Variants in TRIM44 observed in about 807,000 individuals in gnomAD.
The protein encoded by TRIM44 is tripartite motif-containing protein 44.
TRIM44 carries 13 observed loss-of-function variants against 37.4 expected under a neutral mutation model. The observed-to-expected ratio is 0.35, with a 90% CI of 0.23 to 0.55. The LOEUF (loss-of-function observed/expected upper bound fraction) is 0.55, where lower values mean the gene tolerates loss of function less well. Ranked by LOEUF, TRIM44 falls within the 20% of genes least tolerant of loss-of-function variation. The pLI, the probability that TRIM44 is intolerant of heterozygous loss-of-function variation, is 0.89. For synonymous variants in TRIM44, 175 were observed against 157.2 expected (o/e 1.11, Z -0.85); for missense variants, 426 against 437.2 (o/e 0.97, Z 0.23).
At chr11:35,682,147 G>A (rs985223085) in intron 1 of TRIM44, among the ~76,000 whole-genome samples, 3 of 151,550 alleles carry the variant, frequency 2.0e-5, no homozygotes, top group Non-Finnish European at 4.4e-5. Context: ...GTCCCGTTCC[G>A]TACCACTCTT....
intron 1 of TRIM44, 49 bp downstream of exon 1, chr11:35,663,829 G>A: frequency 6.5e-7 from 1 of 1,546,266 alleles, no homozygotes; most frequent in South Asian, 1.3e-5. Flanking sequence ...GGACACCTGG[G>A]TTTCAACTCA....
intron 4 of TRIM44, among the ~76,000 whole-genome samples, chr11:35,771,344 G>C (rs1182705821): frequency 6.6e-6 from 1 of 152,150 alleles, no homozygotes; most frequent in South Asian, 2.1e-4. Context: ...TTGGAACTTT[G>C]AACTTGAGAG....
At position 35,807,906 on chromosome 11, in the gene TRIM44, A is replaced by C. The variant is rs2133887167; in HGVS notation, c.*1521A>C. The stretch of plus-strand genomic sequence containing the variant: ...AGACTTCTAGTGCCTCTGAGGCAGA[A>C]CCAAAGGAGCCTGCACTGGGGGAAA... On this transcript the variant is annotated 3_prime_UTR_variant, in exon 5 of 5. Coordinates refer to ENST00000299413, the MANE Select transcript of TRIM44 (RefSeq NM_017583.6). 1 of 152,224 alleles carries C rather than the reference A, an allele frequency of 6.6e-6. No individual in the cohort carries two copies. The highest frequency in any genetic ancestry group is 2.1e-4 in the South Asian group (1 of 4,806). The allele number at this position is 152,224 out of a possible 1,614,324, so 9.4% of individuals were successfully genotyped here.
chr11:35,705,518 C>T (rs1244363588), intron 2 of TRIM44, among the ~76,000 whole-genome samples: 11 of 152,156 alleles, frequency 7.2e-5, no homozygotes, highest in Non-Finnish European at 1.3e-4. Flanking sequence ...GGAAGTAAAG[C>T]TCTCCTCAGC....
chr11:35,692,888 A>C (rs938394077), intron 2 of TRIM44, among the ~76,000 whole-genome samples: 1 of 151,608 alleles, frequency 6.6e-6, no homozygotes, highest in Non-Finnish European at 1.5e-5. Flanking sequence ...ATGCCACTGC[A>C]CTCCAGCCTG....
chr11:35,773,610 A>T (rs905732777), intron 4 of TRIM44, among the ~76,000 whole-genome samples: 1 of 151,834 alleles, frequency 6.6e-6, no homozygotes, highest in African/African-American at 2.4e-5. Flanking sequence ...TCCCAGTGCT[A>T]TCCCTCCCCT....
At chr11:35,676,220 C>T (rs1435157306) in intron 1 of TRIM44, among the ~76,000 whole-genome samples, 1 of 152,184 alleles carries the variant, frequency 6.6e-6, no homozygotes, top group Admixed American at 6.5e-5. Context: ...GAGTTTAGCA[C>T]AGTGCCTGGA....
Position 35,663,356 on chromosome 11 carries a change from A to C in TRIM44, c.245A>C (p.Glu82Ala). The C allele has an allele frequency of 6.2e-7, 1 of 1,613,680 alleles. No homozygotes were observed. Among genetic ancestry groups the C allele is most frequent in the Non-Finnish European group, 8.5e-7 (1 of 1,179,832 alleles). The change falls in exon 1 of 5, where the codon GAG becomes GCG. Residue 82 changes from glutamate (E) to alanine (A), a missense_variant. This residue lies in a region of TRIM44 where 331 missense variants were observed against 303.0 expected (regional missense o/e 1.09). Coordinates refer to ENST00000299413, the MANE Select transcript of TRIM44 (RefSeq NM_017583.6). ...DGEGAGKEEA[E>A]VKVEQEREIE... ...GAGGGGGCGGGGAAGGAAGAAGCGGAGGTCAAGGTGGAGCAGGAGAGGGAG... is the reference window on the plus strand; with the variant it reads ...GAGGGGGCGGGGAAGGAAGAAGCGGCGGTCAAGGTGGAGCAGGAGAGGGAG...
chr11:35,711,541 A>G (rs1024520938), intron 2 of TRIM44, among the ~76,000 whole-genome samples: 7 of 151,454 alleles, frequency 4.6e-5, no homozygotes, highest in African/African-American at 1.7e-4. Flanking sequence ...AATAAGTGAG[A>G]TAATCCTTTT....
At position 35,671,063 on chromosome 11, in the gene TRIM44, T is replaced by G. The variant is rs137860850; in HGVS notation, c.669+7283T>G. On this transcript the variant is annotated intron_variant, in intron 1 of 4. Transcript: ENST00000299413. ...CAAAAGAAGAGGATCGTTGTTATAC[T>G]GCATTCATTCATTCAGCAAGTATTG... Among the ~76,000 whole-genome samples the G allele has an allele frequency of 2.9e-4, 44 of 152,362 alleles. 1 individual carries two copies. In the East Asian group the frequency reaches 8.5e-3, roughly 29 times the overall value.
At position 35,810,277 on chromosome 11, in the gene TRIM44, A is replaced by G. The variant is rs1245619474; in HGVS notation, c.*3892A>G. ...CCCAAGTAGAAAATATTCTCTTGCCATTCCTGAAATTCCACATTCATATAA... is the reference window on the plus strand; with the variant it reads ...CCCAAGTAGAAAATATTCTCTTGCCGTTCCTGAAATTCCACATTCATATAA... On this transcript the variant is annotated 3_prime_UTR_variant, in exon 5 of 5. Transcript: ENST00000299413. 1 of 152,132 alleles carries G rather than the reference A, an allele frequency of 6.6e-6. No homozygotes were observed. The highest frequency in any genetic ancestry group is 1.5e-5 in the Non-Finnish European group (1 of 68,022). The allele number at this position is 152,132 out of a possible 1,614,324, so 9.4% of individuals were successfully genotyped here. A position where few individuals can be genotyped will look rare whatever the true frequency, so the allele number is the denominator to read the frequency against.
intron 4 of TRIM44, 23 bp from the exon 5 acceptor site, chr11:35,806,335 C>T: frequency 6.2e-7 from 1 of 1,613,528 alleles, no homozygotes; most frequent in Non-Finnish European, 8.5e-7. Context: ...CTTAACTCAC[C>T]TGGTTCTCCT....
chr11:35,804,235 T>C (rs1172317728), intron 4 of TRIM44, among the ~76,000 whole-genome samples: 2 of 152,200 alleles, frequency 1.3e-5, no homozygotes, highest in East Asian at 1.9e-4. Flanking sequence ...ACGTCTCTTT[T>C]AGGTTAACGA....
chr11:35,790,047 T>C (rs923129951), intron 4 of TRIM44, among the ~76,000 whole-genome samples: 5 of 152,048 alleles, frequency 3.3e-5, no homozygotes, highest in Admixed American at 1.3e-4. Flanking sequence ...GAGGGCAAAA[T>C]GTGTCTTTAA....
At chr11:35,704,180 G>T (rs915149680) in intron 2 of TRIM44, among the ~76,000 whole-genome samples, 5 of 151,968 alleles carry the variant, frequency 3.3e-5, no homozygotes, top group Non-Finnish European at 7.4e-5. Flanking sequence ...ATGAAATGAA[G>T]GAAATGAAGC....
chr11:35,678,323 A>G (rs545350260), intron 1 of TRIM44, among the ~76,000 whole-genome samples: 1 of 152,178 alleles, frequency 6.6e-6, no homozygotes, highest in Non-Finnish European at 1.5e-5. Context: ...TGAAGAATAC[A>G]TGCCAACTGG....
At chr11:35,742,194 C>T (rs898729819) in intron 4 of TRIM44, among the ~76,000 whole-genome samples, 4 of 151,864 alleles carry the variant, frequency 2.6e-5, no homozygotes, top group African/African-American at 4.8e-5. Context: ...CCTCCTGCTT[C>T]GGCCTCCCAA....
intron 3 of TRIM44, among the ~76,000 whole-genome samples, chr11:35,728,108 C>T (rs1034930569): frequency 1.3e-5 from 2 of 152,164 alleles, no homozygotes; most frequent in African/African-American, 4.8e-5. Context: ...GGAGGATCAC[C>T]TGAGGTCAGG....
In TRIM44 at chr11:35,815,374, G is replaced by A. The variant is rs1324684795; in HGVS notation, c.*8989G>A. On this transcript the variant is annotated 3_prime_UTR_variant, in exon 5 of 5. Transcript: ENST00000299413. ...ATGAAATTCAGCTTCTAAGTAGGAA[G>A]AACTATGATAGAGGAACAAGATTGC... The A allele has an allele frequency of 6.6e-6, 1 of 152,140 alleles. No individual in the cohort carries two copies. The highest frequency in any genetic ancestry group is 2.4e-5 in the African/African-American group (1 of 41,412). 9.4% of individuals were successfully genotyped at this position (152,140 alleles called of 1,614,324 possible).
Sources: allele counts gnomAD v4.1 joint callset (sites outside exome capture counted in the v4.1 genomes callset), GRCh38; gene constraint gnomAD v4.1.1; regional missense constraint gnomAD v4.1.1; transcripts MANE v1.5; gene names NCBI Gene and HGNC (gene_info 2026-07-23, HGNC 2026-07-21).